MCPH1: variants seen among roughly 807,000 people sequenced by gnomAD.
MCPH1 encodes microcephalin 1.
A neutral mutation model predicts 84.5 loss-of-function variants in MCPH1; 104 were observed. That is an observed-to-expected ratio of 1.23 (90% CI 1.05 to 1.45). The LOEUF (loss-of-function observed/expected upper bound fraction) is 1.45. MCPH1 is among the 40% of genes most tolerant of loss of function. The pLI, the probability that MCPH1 is intolerant of heterozygous loss-of-function variation, is 0.00. For synonymous variants in MCPH1, 514 were observed against 366.8 expected, an observed-to-expected ratio of 1.40 and a Z score of -4.58; for missense variants, 1,498 against 1,005.7, an observed-to-expected ratio of 1.49 and a Z score of -6.62.
intron 12 of MCPH1, among the ~76,000 whole-genome samples, chr8:6,568,102 C>T (rs190727630): frequency 9.8e-5 from 15 of 152,352 alleles, no homozygotes; most frequent in African/African-American, 2.9e-4. Flanking sequence ...TAGCTACCTA[C>T]TCCCAGAAAG....
chr8:6,558,500 A>C (rs3020235), intron 12 of MCPH1, among the ~76,000 whole-genome samples: 20,671 of 152,160 alleles, frequency 0.14, 3,901 homozygotes, highest in African/African-American at 0.43. Context: ...CTGATCACCA[A>C]TGGTAAGACC....
At chr8:6,518,035 G>T (rs1394330866) in intron 12 of MCPH1, among the ~76,000 whole-genome samples, 1 of 151,704 alleles carries the variant, frequency 6.6e-6, no homozygotes, top group East Asian at 1.9e-4. Flanking sequence ...TAATCCCAGA[G>T]TACTATATAT....
intron 4 of MCPH1, among the ~76,000 whole-genome samples, chr8:6,432,754 C>T (rs1055768474): frequency 8.5e-5 from 13 of 152,218 alleles, no homozygotes; most frequent in African/African-American, 3.1e-4. Flanking sequence ...CCATAGTTTG[C>T]CCATGCAGTG....
intron 13 of MCPH1, chr8:6,625,460 A>G: frequency 1.0e-6 from 1 of 985,472 alleles, no homozygotes; most frequent in Non-Finnish European, 1.2e-6. Flanking sequence ...CATTCTCAAA[A>G]TATCGCAATA....
chr8:6,579,464 GC>G (rs1465075211), intron 12 of MCPH1, among the ~76,000 whole-genome samples: 2 of 152,152 alleles, frequency 1.3e-5, no homozygotes, highest in African/African-American at 4.8e-5. Context: ...ATTGTCTGTC[GC>G]CCTCTGGTGC....
chr8:6,434,302 A>T (rs1056445307), intron 4 of MCPH1, among the ~76,000 whole-genome samples: 1 of 152,138 alleles, frequency 6.6e-6, no homozygotes, highest in African/African-American at 2.4e-5. Flanking sequence ...GCTGACCCTG[A>T]GTCTATATGA....
chr8:6,440,207 T>A (rs1457593946), intron 6 of MCPH1, among the ~76,000 whole-genome samples: 2 of 152,218 alleles, frequency 1.3e-5, no homozygotes, highest in Non-Finnish European at 2.9e-5. Context: ...TTGCAGTTTT[T>A]ATTCTTTTTT....
Position 6,414,704 on chromosome 8 carries a change from G to A in MCPH1, c.115-61G>A, listed in dbSNP as rs1048732602. On this transcript the variant is annotated intron_variant, in intron 2 of 13. Coordinates refer to ENST00000344683, the MANE Select transcript of MCPH1 (RefSeq NM_024596.5). ...TGCTGGGGTAGAGGTTTTTTGATCA[G>A]TTGTAGTTAAGTTGTGAATGAACAG... The A allele has an allele frequency of 1.1e-5, 18 of 1,587,684 alleles. No individual in the cohort carries two copies. The Middle Eastern group carries it at 1.4e-3, about 124-fold the overall frequency.
chr8:6,461,212 T>C (rs1456693305), intron 9 of MCPH1, among the ~76,000 whole-genome samples: 1 of 152,178 alleles, frequency 6.6e-6, no homozygotes, highest in Non-Finnish European at 1.5e-5. Flanking sequence ...TTAGCTTTTT[T>C]TTTGGTGTAA....
chr8:6,540,718 C>G (rs1821397787), intron 12 of MCPH1, among the ~76,000 whole-genome samples: 1 of 152,288 alleles, frequency 6.6e-6, no homozygotes, highest in Non-Finnish European at 1.5e-5. Context: ...ACTGCCTTAG[C>G]TTGGGTTTCC....
chr8:6,589,639 G>A (rs1410108048), intron 12 of MCPH1, among the ~76,000 whole-genome samples: 1 of 152,230 alleles, frequency 6.6e-6, no homozygotes, highest in Non-Finnish European at 1.5e-5. Context: ...CATCTCGATA[G>A]AATGTCTAAC....
chr8:6,511,629 A>T (rs1815118519), intron 12 of MCPH1, among the ~76,000 whole-genome samples: 3 of 152,194 alleles, frequency 2.0e-5, no homozygotes, highest in South Asian at 4.1e-4. Flanking sequence ...CAGTCCCTTC[A>T]CAGTTCTCTT....
At chr8:6,499,813 A>G in intron 11 of MCPH1, 39 bp from the exon 12 acceptor site, 1 of 1,585,060 alleles carries the variant, frequency 6.3e-7, no homozygotes, top group Non-Finnish European at 8.7e-7. Context: ...GCTAAGGCTA[A>G]TAAATGTATA....
chr8:6,581,757 T>G (rs1423232809), intron 12 of MCPH1, among the ~76,000 whole-genome samples: 1 of 152,176 alleles, frequency 6.6e-6, no homozygotes, highest in Non-Finnish European at 1.5e-5. Context: ...AAACTGGGTG[T>G]CTTATAAACG....
intron 13 of MCPH1, chr8:6,626,389 A>G (rs1832076308): frequency 1.0e-6 from 1 of 985,004 alleles, no homozygotes; most frequent in South Asian, 4.7e-5. Flanking sequence ...TTTTTCCCTG[A>G]AACTGTATTG....
chr8:6,646,744 T>C lies in MCPH1; in HGVS notation c.*3695T>C, dbSNP rs1586916194. On this transcript the variant is annotated 3_prime_UTR_variant, in exon 14 of 14. Coordinates refer to ENST00000344683, the MANE Select transcript of MCPH1 (RefSeq NM_024596.5). ...TTAGATGCCAGTGGCATCCCTCCCC[T>C]GACACACACCTAGTTTTGACAATCT... The C allele has an allele frequency of 6.6e-6, 1 of 152,226 alleles. No individual in the cohort carries two copies. The highest frequency in any genetic ancestry group is 1.5e-5 in the Non-Finnish European group (1 of 68,040). 9.4% of individuals were successfully genotyped at this position (152,226 alleles called of 1,614,324 possible).
chr8:6,612,254 A>C (rs1367368640), intron 12 of MCPH1, among the ~76,000 whole-genome samples: 2 of 152,004 alleles, frequency 1.3e-5, no homozygotes, highest in Admixed American at 6.6e-5. Context: ...CACTCTGCCT[A>C]ATTTGGTGAC....
intron 11 of MCPH1, among the ~76,000 whole-genome samples, chr8:6,491,178 A>G (rs1810526396): frequency 6.6e-6 from 1 of 151,566 alleles, no homozygotes; most frequent in Non-Finnish European, 1.5e-5. Flanking sequence ...CTCCTAGCAA[A>G]TAAACTTAAA....
chr8:6,424,037 G>T (rs1271441146), intron 3 of MCPH1, among the ~76,000 whole-genome samples: 1 of 152,128 alleles, frequency 6.6e-6, no homozygotes, highest in Non-Finnish European at 1.5e-5. Flanking sequence ...CAATGCAGTA[G>T]CTCATGGTTT....
Sources: gnomAD v4.1 joint callset for allele counts (sites outside exome capture counted in the v4.1 genomes callset) on GRCh38, gnomAD v4.1.1 for gene constraint, MANE v1.5 for transcripts, NCBI Gene and HGNC (gene_info 2026-07-23, HGNC 2026-07-21) for gene names.